The following CSMD1 variants were observed in gnomAD, a reference collection of about 807,000 sequenced individuals.
CSMD1 encodes CUB and sushi domain-containing protein 1.
CSMD1 carries 213 observed loss-of-function variants against 417.5 expected under a neutral mutation model. The ratio of observed to expected loss-of-function variants is 0.51; its 90% CI spans 0.46 to 0.57. The LOEUF is 0.57. Ranked by LOEUF, CSMD1 falls within the 20% of genes least tolerant of loss-of-function variation. The probability of loss-of-function intolerance (pLI) is 0.00; values close to 1 mark genes in which losing one functional copy is unlikely to be tolerated. For missense variants in CSMD1, 6,923 were observed against 4,529.7 expected, an observed-to-expected ratio of 1.53 and a Z score of -15.17; for synonymous variants, 2,862 against 1,736.8, an observed-to-expected ratio of 1.65 and a Z score of -16.11.
At chr8:3,005,578 T>C (rs1807820867) in intron 52 of CSMD1, among the ~76,000 whole-genome samples, 1 of 152,124 alleles carries the variant, frequency 6.6e-6, no homozygotes, top group African/African-American at 2.4e-5. Context: ...TCCACCATGA[T>C]CAAGTGGGCT....
intron 5 of CSMD1, among the ~76,000 whole-genome samples, chr8:3,927,846 C>G (rs1285697968): frequency 2.6e-5 from 4 of 151,972 alleles, no homozygotes; most frequent in Non-Finnish European, 4.4e-5. Flanking sequence ...TTGGCAGATA[C>G]TTTTTTATAA....
At chr8:4,077,932 T>C (rs941342926) in intron 3 of CSMD1, among the ~76,000 whole-genome samples, 1 of 152,088 alleles carries the variant, frequency 6.6e-6, no homozygotes, top group Non-Finnish European at 1.5e-5. Flanking sequence ...CATCACAAAA[T>C]CCTTTACATA....
chr8:3,558,581 ATGGTGTCTCAATAG>A lies in CSMD1; in HGVS notation c.1344+16350_1344+16363del, dbSNP rs1563152883. Among the ~76,000 whole-genome samples the A allele has an allele frequency of 1.5e-3, 214 of 145,254 alleles. 2 individuals carry two copies. Among genetic ancestry groups the A allele is most frequent in the African/African-American group, 4.9e-3 (187 of 37,778 alleles). ...CCCGTGTCCACTCCTGCAATGATGA[ATGGTGTCTCAATAG>A]TACCCCGTGTCCACTCCTCCAATGA... On this transcript the variant is annotated intron_variant, in intron 10 of 69. Coordinates refer to ENST00000635120, the MANE Select transcript of CSMD1 (RefSeq NM_033225.6).
intron 2 of CSMD1, among the ~76,000 whole-genome samples, chr8:4,628,974 G>C (rs1316040702): frequency 1.3e-5 from 2 of 152,160 alleles, no homozygotes; most frequent in East Asian, 3.9e-4. Flanking sequence ...ATATGTGAGA[G>C]ATCTTCTCAG....
intron 5 of CSMD1, among the ~76,000 whole-genome samples, chr8:3,853,605 G>A (rs1193538241): frequency 1.3e-5 from 2 of 151,914 alleles, no homozygotes; most frequent in African/African-American, 4.8e-5. Flanking sequence ...AGGCACTTAT[G>A]AAAAAAGAAG....
chr8:4,360,558 C>T (rs920348388), intron 3 of CSMD1, among the ~76,000 whole-genome samples: 5 of 152,140 alleles, frequency 3.3e-5, no homozygotes, highest in African/African-American at 1.2e-4. Flanking sequence ...GGCGCGATCT[C>T]GGCTCACTGC....
intron 7 of CSMD1, among the ~76,000 whole-genome samples, chr8:3,631,478 C>T (rs1258083146): frequency 6.6e-6 from 1 of 152,156 alleles, no homozygotes; most frequent in East Asian, 1.9e-4. Flanking sequence ...AACACAGAGG[C>T]TGAGGAGCAG....
intron 3 of CSMD1, among the ~76,000 whole-genome samples, chr8:4,277,476 C>A (rs1238591326): frequency 6.6e-6 from 1 of 152,060 alleles, no homozygotes; most frequent in Non-Finnish European, 1.5e-5. Flanking sequence ...AATGTACCGT[C>A]TTAAAAAAGC....
intron 1 of CSMD1, among the ~76,000 whole-genome samples, chr8:4,820,154 G>A (rs1236545187): frequency 6.6e-6 from 1 of 152,078 alleles, no homozygotes; most frequent in Non-Finnish European, 1.5e-5. Context: ...TCTCTGTGAA[G>A]GGAGAGCTAC....
intron 16 of CSMD1, among the ~76,000 whole-genome samples, chr8:3,397,089 G>A (rs764507917): frequency 2.0e-5 from 3 of 152,016 alleles, no homozygotes; most frequent in Non-Finnish European, 4.4e-5. Context: ...CAGCCACTTG[G>A]CTCCCCTGTG....
At chr8:2,973,755 A>G (rs2128934024) in intron 56 of CSMD1, among the ~76,000 whole-genome samples, 1 of 152,332 alleles carries the variant, frequency 6.6e-6, no homozygotes, top group Admixed American at 6.5e-5. Context: ...TTTAAGAAAC[A>G]TTCGTGAAAA....
At chr8:4,297,173 C>G (rs965820649) in intron 3 of CSMD1, among the ~76,000 whole-genome samples, 1 of 151,994 alleles carries the variant, frequency 6.6e-6, no homozygotes, top group Non-Finnish European at 1.5e-5. Context: ...CATGAATATA[C>G]TTTTACAATC....
At chr8:4,343,512 T>C (rs909381965) in intron 3 of CSMD1, among the ~76,000 whole-genome samples, 4 of 151,728 alleles carry the variant, frequency 2.6e-5, no homozygotes, top group Admixed American at 6.6e-5. Context: ...ACAATGCATA[T>C]CAAATATCAA....
chr8:4,463,045 A>T (rs1310185217), intron 2 of CSMD1, among the ~76,000 whole-genome samples: 1 of 152,192 alleles, frequency 6.6e-6, no homozygotes, highest in Non-Finnish European at 1.5e-5. Context: ...ATTATATAAA[A>T]TATAAATAAC....
chr8:3,229,813 C>G (rs375789678), intron 27 of CSMD1, among the ~76,000 whole-genome samples: 1 of 152,076 alleles, frequency 6.6e-6, no homozygotes, highest in Non-Finnish European at 1.5e-5. Context: ...AGGAAATATA[C>G]GGTAAATGTC....
intron 2 of CSMD1, among the ~76,000 whole-genome samples, chr8:4,453,281 G>A (rs143272114): frequency 3.3e-5 from 5 of 151,360 alleles, no homozygotes; most frequent in East Asian, 1.9e-4. Context: ...ACCAAAACAT[G>A]AATTTACACT....
intron 1 of CSMD1, among the ~76,000 whole-genome samples, chr8:4,829,188 C>G (rs1351221932): frequency 6.6e-6 from 1 of 152,168 alleles, no homozygotes; most frequent in African/African-American, 2.4e-5. Context: ...TTTCTCCTTT[C>G]AATCTTCTAA....
intron 2 of CSMD1, among the ~76,000 whole-genome samples, chr8:4,474,545 T>C (rs150803102): frequency 1.1e-4 from 16 of 152,288 alleles, no homozygotes; most frequent in African/African-American, 3.8e-4. Context: ...TCATGGGGTT[T>C]AGCACTTTTG....
chr8:4,629,680 T>C (rs78505470), intron 2 of CSMD1, among the ~76,000 whole-genome samples: 11,622 of 152,216 alleles, frequency 0.076, 630 homozygotes, highest in East Asian at 0.18. Context: ...ATCATTTTTA[T>C]TTTCCATATT....
Sources: allele counts gnomAD v4.1 joint callset (sites outside exome capture counted in the v4.1 genomes callset), GRCh38; gene constraint gnomAD v4.1.1; transcripts MANE v1.5; gene names NCBI Gene and HGNC (gene_info 2026-07-23, HGNC 2026-07-21).